The following RIMS1 variants were observed in gnomAD, a reference collection of about 807,000 sequenced individuals.
RIMS1 encodes the protein regulating synaptic membrane exocytosis 1.
A neutral mutation model predicts 214.1 loss-of-function variants in RIMS1; 83 were observed. The observed-to-expected ratio is 0.39, with a 90% CI of 0.32 to 0.47. The LOEUF (loss-of-function observed/expected upper bound fraction) is 0.47. Ranked by LOEUF, RIMS1 falls within the 20% of genes least tolerant of loss-of-function variation. The probability of loss-of-function intolerance (pLI) is 0.99; values close to 1 mark genes in which losing one functional copy is unlikely to be tolerated. For synonymous variants in RIMS1, 793 were observed against 786.8 expected (o/e 1.01, Z -0.13); for missense variants, 2,050 against 2,161.8 (o/e 0.95, Z 1.03).
In RIMS1 at chr6:72,092,269, T is replaced by TTCCC. The variant is rs1043912468; in HGVS notation, c.246-4658_246-4655dup. Among the ~76,000 whole-genome samples, 110 of 114,982 alleles carry TTCCC rather than the reference T, an allele frequency of 9.6e-4. No homozygotes were observed. In the East Asian group the frequency reaches 0.01, roughly 11 times the overall value. 75.4% of individuals were successfully genotyped at this position (114,982 alleles called of 152,430 possible). On this transcript the variant is annotated intron_variant, in intron 2 of 33. Coordinates refer to ENST00000521978, the MANE Select transcript of RIMS1 (RefSeq NM_014989.7). ...TGCCCTCTCTCCCTTTCCTCCTTCC[T>TTCCC]TCCCTCCCTCCCTCCCTCCCTCCCT... is the stretch of plus-strand genomic sequence containing the variant.
chr6:72,123,597 G>A (rs928686441), intron 4 of RIMS1, among the ~76,000 whole-genome samples: 1 of 151,794 alleles, frequency 6.6e-6, no homozygotes, highest in Non-Finnish European at 1.5e-5. Context: ...TTATTATTGT[G>A]AGGGAGTCTA....
chr6:72,066,387 T>A (rs548607303), intron 2 of RIMS1, among the ~76,000 whole-genome samples: 8 of 152,212 alleles, frequency 5.3e-5, no homozygotes, highest in Non-Finnish European at 8.8e-5. Context: ...AGTATTATAA[T>A]AAATGCTATT....
At chr6:71,983,354 C>G (rs1562025274) in intron 2 of RIMS1, among the ~76,000 whole-genome samples, 1 of 151,838 alleles carries the variant, frequency 6.6e-6, no homozygotes, top group Non-Finnish European at 1.5e-5. Context: ...CACACTTGGT[C>G]TCTCTTTCTA....
At chr6:72,283,659 C>G (rs560839122) in intron 23 of RIMS1, among the ~76,000 whole-genome samples, 2 of 152,262 alleles carry the variant, frequency 1.3e-5, no homozygotes, top group East Asian at 1.9e-4. Context: ...CCCTTTGAAG[C>G]CTTTCAGCAC....
At chr6:72,092,711 T>C (rs1384382970) in intron 2 of RIMS1, among the ~76,000 whole-genome samples, 1 of 152,140 alleles carries the variant, frequency 6.6e-6, no homozygotes, top group East Asian at 1.9e-4. Flanking sequence ...AGCTTTGGGA[T>C]GAAGCACTTG....
chr6:71,969,417 G>A (rs1384987623), intron 2 of RIMS1, among the ~76,000 whole-genome samples: 4 of 152,160 alleles, frequency 2.6e-5, no homozygotes, highest in Non-Finnish European at 5.9e-5. Flanking sequence ...ATACAGACAG[G>A]GTGCTGAGTG....
Position 71,886,936 on chromosome 6 carries a change from T to G in RIMS1, c.-88T>G. 6.8e-6 allele frequency: 10 copies of G among 1,464,402 alleles called. No individual in the cohort carries two copies. The highest frequency in any genetic ancestry group is 1.3e-5 in the South Asian group (1 of 78,210). 90.7% of individuals were successfully genotyped at this position (1,464,402 alleles called of 1,614,324 possible). A position where few individuals can be genotyped will look rare whatever the true frequency, so the allele number is the denominator to read the frequency against. ...TGCCGCCGCCGCTAGGGCTCCGCTG[T>G]GAGGGGGAAGCAGGGGCGCAGCTGC... On this transcript the variant is annotated 5_prime_UTR_variant, in exon 1 of 34. It removes the in-frame stop codon of an upstream open reading frame in the 5' UTR. Coordinates refer to ENST00000521978, the MANE Select transcript of RIMS1 (RefSeq NM_014989.7).
In RIMS1 at chr6:72,352,983, C is replaced by CTTTTTTTTTT. The variant is rs70994123; in HGVS notation, c.4366+19163_4366+19172dup. 8.2e-4 allele frequency among the ~76,000 whole-genome samples: 72 copies of CTTTTTTTTTT among 88,266 alleles called. 1 individual carries two copies. The highest frequency in any genetic ancestry group is 1.8e-3 in the East Asian group (4 of 2,276). The allele number at this position is 88,266 out of a possible 152,430, so 57.9% of individuals were successfully genotyped here. ...CATTTGAGAGTTTACATTCTTTTTT[C>CTTTTTTTTTT]TTTTTTTTTTTTTTTTTTTTTTTTG... is the stretch of plus-strand genomic sequence containing the variant. On this transcript the variant is annotated intron_variant, in intron 29 of 33. Transcript: ENST00000521978.
intron 2 of RIMS1, among the ~76,000 whole-genome samples, chr6:72,013,059 A>C (rs1219842901): frequency 6.6e-6 from 1 of 152,196 alleles, no homozygotes; most frequent in Non-Finnish European, 1.5e-5. Flanking sequence ...TGGTTTCTTA[A>C]ACACTGCTAG....
intron 9 of RIMS1, among the ~76,000 whole-genome samples, chr6:72,240,889 G>T (rs2066584045): frequency 6.6e-6 from 1 of 151,946 alleles, no homozygotes; most frequent in Non-Finnish European, 1.5e-5. Flanking sequence ...GGTGGTGCAT[G>T]CTTGTAATCC....
intron 2 of RIMS1, among the ~76,000 whole-genome samples, chr6:72,009,168 A>T (rs1175567137): frequency 4.6e-5 from 7 of 152,138 alleles, no homozygotes; most frequent in Admixed American, 3.9e-4. Flanking sequence ...GGATTAAGAA[A>T]CTCACTCAAA....
intron 2 of RIMS1, among the ~76,000 whole-genome samples, chr6:72,009,630 AT>A (rs1364575258): frequency 6.7e-6 from 1 of 148,748 alleles, no homozygotes; most frequent in Non-Finnish European, 1.5e-5. Context: ...CAATAAAAAA[AT>A]GATAAAGGGG....
rs117718981 is a variant in RIMS1 at position 72,185,343 on chromosome 6, C to T, written c.1678+2194C>T. Among the ~76,000 whole-genome samples, 115 of 152,260 alleles carry T rather than the reference C, an allele frequency of 7.6e-4. 2 individuals carry two copies. The East Asian group carries it at 0.02, about 27-fold the overall frequency. On this transcript the variant is annotated intron_variant, in intron 6 of 33. Transcript: ENST00000521978. ...GCCATCAGACCCAAAACAATTCATT[C>T]CTTCTAGAGAAAATTGTATCAGATG...
intron 2 of RIMS1, among the ~76,000 whole-genome samples, chr6:72,095,029 G>T (rs1218691018): frequency 6.6e-6 from 1 of 151,010 alleles, no homozygotes; most frequent in East Asian, 1.9e-4. Flanking sequence ...TCAGCTCACT[G>T]CAAGCTCTAC....
chr6:71,977,810 G>A (rs1292655012), intron 2 of RIMS1, among the ~76,000 whole-genome samples: 1 of 152,126 alleles, frequency 6.6e-6, no homozygotes, highest in Admixed American at 6.6e-5. Flanking sequence ...TAGAAAGAGG[G>A]CAATGGCTGA....
In RIMS1 at chr6:72,153,640, T is replaced by C. The variant is rs1372388958; in HGVS notation, c.472-25935T>C. Among the ~76,000 whole-genome samples the C allele has an allele frequency of 2.0e-5, 3 of 152,130 alleles. No homozygotes were observed. The East Asian group carries it at 5.8e-4, about 29-fold the overall frequency. On this transcript the variant is annotated intron_variant, in intron 4 of 33. Transcript: ENST00000521978. ...AATAATCAGATAAAACTACCCCCAG[T>C]ATACTTGCAGTCAAACAAAGCTTGT...
chr6:72,054,876 G>T (rs1474630444), intron 2 of RIMS1, among the ~76,000 whole-genome samples: 1 of 152,108 alleles, frequency 6.6e-6, no homozygotes, highest in African/African-American at 2.4e-5. Context: ...TCTGTAGGTT[G>T]CCTATTCATT....
chr6:72,316,099 A>T (rs1429042327), intron 28 of RIMS1, among the ~76,000 whole-genome samples: 1 of 152,162 alleles, frequency 6.6e-6, no homozygotes, highest in Non-Finnish European at 1.5e-5. Context: ...AACAAAACAA[A>T]AAAAAACATT....
At chr6:72,124,396 G>A (rs151291008) in intron 4 of RIMS1, among the ~76,000 whole-genome samples, 39 of 151,934 alleles carry the variant, frequency 2.6e-4, no homozygotes, top group Non-Finnish European at 4.3e-4. Flanking sequence ...CTCTCAGGCT[G>A]CCCTCAAGGA....
Sources: allele counts gnomAD v4.1 joint callset (sites outside exome capture counted in the v4.1 genomes callset), GRCh38; gene constraint gnomAD v4.1.1; transcripts MANE v1.5; gene names NCBI Gene and HGNC (gene_info 2026-07-23, HGNC 2026-07-21).